The following CNTN4 variants were observed in gnomAD, a reference collection of about 807,000 sequenced individuals.
The protein encoded by CNTN4 is contactin-4.
In CNTN4, 77 loss-of-function variants were observed where a neutral mutation model predicts 122.5. The observed-to-expected ratio is 0.63, with a 90% CI of 0.52 to 0.76. The LOEUF (loss-of-function observed/expected upper bound fraction) is 0.76. Among genes scored for constraint, CNTN4 ranks in the 30% least tolerant of loss-of-function variants. The pLI is 0.00. For missense variants in CNTN4, 1,256 were observed against 1,259.1 expected (o/e 1.00, Z 0.04); for synonymous variants, 512 against 447.0 (o/e 1.15, Z -1.83).
intron 2 of CNTN4, among the ~76,000 whole-genome samples, chr3:2,250,912 A>G (rs1468351853): frequency 6.6e-6 from 1 of 151,888 alleles, no homozygotes; most frequent in Non-Finnish European, 1.5e-5. Context: ...GAAGAAAAGA[A>G]GAGATCATTT....
chr3:2,545,234 T>C (rs555293171), intron 3 of CNTN4, among the ~76,000 whole-genome samples: 16 of 152,180 alleles, frequency 1.1e-4, no homozygotes, highest in African/African-American at 3.9e-4. Context: ...TAGTTGTTGC[T>C]ACAATTTTGA....
At chr3:2,910,089 G>A (rs1023421725) in intron 12 of CNTN4, among the ~76,000 whole-genome samples, 4 of 152,234 alleles carry the variant, frequency 2.6e-5, no homozygotes, top group Non-Finnish European at 4.4e-5. Flanking sequence ...CAACAAGAGA[G>A]TGAATAGGAA....
chr3:2,752,354 T>G (rs2090136319), intron 6 of CNTN4, among the ~76,000 whole-genome samples: 1 of 152,048 alleles, frequency 6.6e-6, no homozygotes, highest in Admixed American at 6.6e-5. Flanking sequence ...GTAAATTGGT[T>G]TTTTGTTGTT....
At chr3:2,343,978 A>G (rs2044303074) in intron 3 of CNTN4, among the ~76,000 whole-genome samples, 1 of 152,098 alleles carries the variant, frequency 6.6e-6, no homozygotes, top group African/African-American at 2.4e-5. Flanking sequence ...AGCAAGAGAG[A>G]GGCGAATCTC....
chr3:2,735,074 G>A (rs1212934614), intron 4 of CNTN4, among the ~76,000 whole-genome samples: 1 of 152,084 alleles, frequency 6.6e-6, no homozygotes, highest in African/African-American at 2.4e-5. Flanking sequence ...TACAAAAATA[G>A]GTAAGATACA....
chr3:2,770,525 G>A (rs1007297248), intron 6 of CNTN4, among the ~76,000 whole-genome samples: 1 of 152,178 alleles, frequency 6.6e-6, no homozygotes, highest in Non-Finnish European at 1.5e-5. Flanking sequence ...CAAAGAAAAG[G>A]TATCATAAAA....
At chr3:2,742,875 A>G (rs79547371) in intron 5 of CNTN4, among the ~76,000 whole-genome samples, 1,828 of 152,324 alleles carry the variant, frequency 0.012, 29 homozygotes, top group African/African-American at 0.042. Context: ...TCCACATTCA[A>G]TTGGAATGAA....
At chr3:3,040,296 T>C (rs1700031435) in intron 20 of CNTN4, 25 bp downstream of exon 20, 27 of 1,500,390 alleles carry the variant, frequency 1.8e-5, no homozygotes, top group Non-Finnish European at 2.2e-5. Flanking sequence ...GCCTAGATCA[T>C]TGACTGTTAA....
chr3:2,852,577 C>T (rs904087577), intron 7 of CNTN4, among the ~76,000 whole-genome samples: 2 of 152,288 alleles, frequency 1.3e-5, no homozygotes, highest in Admixed American at 6.5e-5. Context: ...AATTTGGCTA[C>T]AGTATTGCAC....
At chr3:2,104,392 A>T (rs929801236) in intron 2 of CNTN4, among the ~76,000 whole-genome samples, 1 of 152,088 alleles carries the variant, frequency 6.6e-6, no homozygotes, top group African/African-American at 2.4e-5. Context: ...CTTAATTTTC[A>T]GTGACTTATT....
At chr3:2,609,382 C>A (rs1345727532) in intron 4 of CNTN4, among the ~76,000 whole-genome samples, 3 of 152,194 alleles carry the variant, frequency 2.0e-5, no homozygotes, top group Admixed American at 6.5e-5. Context: ...CACCAGACCT[C>A]AAATTTGCCG....
At chr3:2,759,547 A>C (rs1334047459) in intron 6 of CNTN4, among the ~76,000 whole-genome samples, 1 of 152,090 alleles carries the variant, frequency 6.6e-6, no homozygotes, top group Non-Finnish European at 1.5e-5. Context: ...GGTTCTTTTT[A>C]CTTTTTAGCT....
At chr3:2,785,721 A>G (rs1034502607) in intron 6 of CNTN4, among the ~76,000 whole-genome samples, 3 of 152,086 alleles carry the variant, frequency 2.0e-5, no homozygotes, top group Non-Finnish European at 2.9e-5. Flanking sequence ...CTACCACCCC[A>G]TGTGGCGGCT....
chr3:2,838,529 A>G (rs1458851474), intron 7 of CNTN4, among the ~76,000 whole-genome samples: 2 of 151,544 alleles, frequency 1.3e-5, no homozygotes, highest in African/African-American at 2.4e-5. Context: ...AGACTTATAG[A>G]ATATATTTGC....
chr3:2,605,432 A>AT (rs1329579508), intron 4 of CNTN4, among the ~76,000 whole-genome samples: 3 of 151,766 alleles, frequency 2.0e-5, no homozygotes, highest in African/African-American at 4.9e-5. Flanking sequence ...AAGACTTTGG[A>AT]TTTTTTTTCT....
chr3:2,167,028 ATAT>A lies in CNTN4; in HGVS notation c.-145+66393_-145+66395del, dbSNP rs373569977. On this transcript the variant is annotated intron_variant, in intron 2 of 24. Transcript: ENST00000418658. ...TTTCACTATGTATATGTATATCAAA[ATAT>A]TATGTTGTGTACATCAGACATAGAT... is the stretch of plus-strand genomic sequence containing the variant. 1.1e-3 allele frequency among the ~76,000 whole-genome samples: 169 copies of A among 152,296 alleles called. 2 individuals carry two copies. The highest frequency in any genetic ancestry group is 3.6e-3 in the African/African-American group (151 of 41,586).
chr3:2,632,635 T>C (rs2082494108), intron 4 of CNTN4, among the ~76,000 whole-genome samples: 1 of 152,218 alleles, frequency 6.6e-6, no homozygotes, highest in African/African-American at 2.4e-5. Context: ...TTAACTCACA[T>C]AAGTTAAATT....
chr3:2,138,013 G>T (rs1032545124), intron 2 of CNTN4, among the ~76,000 whole-genome samples: 2 of 152,130 alleles, frequency 1.3e-5, no homozygotes, highest in African/African-American at 4.8e-5. Flanking sequence ...GTAAGTAGTC[G>T]GCTCTTTCAG....
intron 8 of CNTN4, among the ~76,000 whole-genome samples, chr3:2,878,154 A>T (rs1394723853): frequency 6.6e-6 from 1 of 152,118 alleles, no homozygotes; most frequent in Non-Finnish European, 1.5e-5. Context: ...ACATTAATCT[A>T]TTACTGATGA....
Sources: allele counts gnomAD v4.1 joint callset (sites outside exome capture counted in the v4.1 genomes callset), GRCh38; gene constraint gnomAD v4.1.1; transcripts MANE v1.5; gene names NCBI Gene and HGNC (gene_info 2026-07-23, HGNC 2026-07-21).